PKD1L1: variants seen among roughly 807,000 people sequenced by gnomAD.
PKD1L1 encodes polycystin-1-like protein 1.
A neutral mutation model predicts 323.4 loss-of-function variants in PKD1L1; 236 were observed. The ratio of observed to expected loss-of-function variants is 0.73; its 90% CI spans 0.66 to 0.81. The LOEUF (loss-of-function observed/expected upper bound fraction) is 0.81, where lower values mean the gene tolerates loss of function less well. Ranked by LOEUF, PKD1L1 falls within the 40% of genes least tolerant of loss-of-function variation. The pLI, the probability that PKD1L1 is intolerant of heterozygous loss-of-function variation, is 0.00. For synonymous variants in PKD1L1, 1,344 were observed against 1,335.0 expected (o/e 1.01, Z -0.15); for missense variants, 3,320 against 3,508.0 (o/e 0.95, Z 1.35).
At chr7:47,917,937 G>C (rs1787462760) in intron 7 of PKD1L1, among the ~76,000 whole-genome samples, 1 of 151,922 alleles carries the variant, frequency 6.6e-6, no homozygotes, top group Non-Finnish European at 1.5e-5. Context: ...AATAACTAAA[G>C]TATACAGGCA....
At chr7:47,920,573 T>C (rs776453601) in intron 7 of PKD1L1, among the ~76,000 whole-genome samples, 3 of 152,022 alleles carry the variant, frequency 2.0e-5, no homozygotes, top group Non-Finnish European at 4.4e-5. Context: ...AAAAAGAGGC[T>C]GTACATCCAA....
At chr7:47,899,807 T>C (rs993715645) in intron 13 of PKD1L1, among the ~76,000 whole-genome samples, 18 of 151,866 alleles carry the variant, frequency 1.2e-4, no homozygotes, top group Admixed American at 1.1e-3. Context: ...ATACAAAAAA[T>C]TAGCCAGGTG....
chr7:47,936,222 G>A (rs542111603), intron 4 of PKD1L1, among the ~76,000 whole-genome samples: 1 of 152,268 alleles, frequency 6.6e-6, no homozygotes, highest in African/African-American at 2.4e-5. Flanking sequence ...GCACAGTTCA[G>A]TGGTGTTAAG....
chr7:47,801,887 T>C (rs895091441), intron 53 of PKD1L1, among the ~76,000 whole-genome samples: 2 of 152,204 alleles, frequency 1.3e-5, no homozygotes, highest in African/African-American at 4.8e-5. Flanking sequence ...TGGGCTTTTT[T>C]TTCCTTACAT....
intron 53 of PKD1L1, 152 bp from the exon 54 acceptor site, chr7:47,801,031 G>T: frequency 2.8e-6 from 2 of 706,104 alleles, no homozygotes; most frequent in South Asian, 3.6e-5. Context: ...GAACCCAAAA[G>T]GCGTATGTCA....
In PKD1L1 at chr7:47,855,895, A is replaced by G. The variant is rs1401805023; in HGVS notation, c.4591-630T>C. Among the ~76,000 whole-genome samples, 10 of 89,840 alleles carry G rather than the reference A, an allele frequency of 1.1e-4. 1 individual carries two copies. Among genetic ancestry groups the G allele is most frequent in the South Asian group, 5.3e-4 (2 of 3,760 alleles). 58.9% of individuals were successfully genotyped at this position (89,840 alleles called of 152,430 possible). ...CGTCTCAAAAAAAAAAAAAAAAAAA[A>G]AAAAAGAAAAGTATATGCAAGAGTG... On this transcript the variant is annotated intron_variant, in intron 28 of 56. Coordinates refer to ENST00000289672, the MANE Select transcript of PKD1L1 (RefSeq NM_138295.5).
chr7:47,898,568 G>A (rs565197186), intron 13 of PKD1L1, among the ~76,000 whole-genome samples: 1 of 152,118 alleles, frequency 6.6e-6, no homozygotes, highest in South Asian at 2.1e-4. Flanking sequence ...GCACCTATGT[G>A]TATATATAAA....
chr7:47,865,804 C>G (rs1202209607), intron 25 of PKD1L1, among the ~76,000 whole-genome samples: 1 of 150,110 alleles, frequency 6.7e-6, no homozygotes, highest in Non-Finnish European at 1.5e-5. Flanking sequence ...ACTGTGTTAG[C>G]CAGGATGGTC....
At chr7:47,901,687 G>A (rs796199295) in intron 13 of PKD1L1, among the ~76,000 whole-genome samples, 61 of 152,298 alleles carry the variant, frequency 4.0e-4, no homozygotes, top group African/African-American at 1.3e-3. Flanking sequence ...GGATTGCCCC[G>A]GGCACTTGGT....
At position 47,840,317 on chromosome 7, in the gene PKD1L1, A is replaced by G; in HGVS notation, c.5552+144T>C. On this transcript the variant is annotated intron_variant, in intron 35 of 56. Coordinates refer to ENST00000289672, the MANE Select transcript of PKD1L1 (RefSeq NM_138295.5). This position sits in a 1 kb window ranked among gnomAD's most constrained non-coding sequence, Gnocchi z 4.1. ...ACTCAGAATAATAAACTAAAAATAC[A>G]TCATAAAATTGTTTGTATATAAATC... is the stretch of plus-strand genomic sequence containing the variant. 1.7e-6 allele frequency: 1 copy of G among 594,480 alleles called. No individual in the cohort carries two copies. The highest frequency in any genetic ancestry group is 2.3e-5 in the South Asian group (1 of 42,682). 36.8% of individuals were successfully genotyped at this position (594,480 alleles called of 1,614,324 possible). A position where few individuals can be genotyped will look rare whatever the true frequency, so the allele number is the denominator to read the frequency against.
At chr7:47,846,721 A>G (rs917917036) in intron 32 of PKD1L1, among the ~76,000 whole-genome samples, 158 bp downstream of exon 32, 2 of 152,336 alleles carry the variant, frequency 1.3e-5, no homozygotes, top group South Asian at 2.1e-4. Context: ...CGAACTGGCT[A>G]TGAGAGAACT....
intron 8 of PKD1L1, among the ~76,000 whole-genome samples, chr7:47,914,382 T>C (rs2128752561): frequency 6.6e-6 from 1 of 151,608 alleles, no homozygotes; most frequent in South Asian, 2.1e-4. Context: ...CCAAGTCCAT[T>C]GTAGAGAAAC....
rs1226678349 is a variant in PKD1L1 at position 47,781,490 on chromosome 7, G to A, written c.8527-6324C>T. On this transcript the variant is annotated intron_variant, in intron 56 of 56. Transcript: ENST00000289672. The stretch of plus-strand genomic sequence containing the variant: ...GTGGCGTGATCTTGGCTCACTGCAA[G>A]CTCCGCCTCCTGGGTTCATGCCATT... 6.9e-5 allele frequency among the ~76,000 whole-genome samples: 10 copies of A among 145,592 alleles called. No individual in the cohort carries two copies. The East Asian group carries it at 2.1e-3, about 31-fold the overall frequency.
In PKD1L1 at chr7:47,946,742, T is replaced by G. The variant is rs967603153; in HGVS notation, c.44+1655A>C. Among the ~76,000 whole-genome samples the G allele has an allele frequency of 2.6e-5, 4 of 152,166 alleles. No homozygotes were observed. The highest frequency in any genetic ancestry group is 9.7e-5 in the African/African-American group (4 of 41,438). On this transcript the variant is annotated intron_variant, in intron 1 of 56. Coordinates refer to ENST00000289672, the MANE Select transcript of PKD1L1 (RefSeq NM_138295.5). The surrounding 1 kb of genome is among the most constrained non-coding windows in gnomAD (Gnocchi z 4.1). ...TACAGGAGAGTCAAGAAACCTCTTC[T>G]GTTTCTATGAACAAGATCAGTCACT...
intron 24 of PKD1L1, among the ~76,000 whole-genome samples, chr7:47,872,226 A>G (rs1583636324): frequency 2.0e-5 from 3 of 152,274 alleles, no homozygotes; most frequent in Middle Eastern, 3.4e-3. Context: ...AAGGCTGGAG[A>G]GGCTGGCCGG....
intron 31 of PKD1L1, among the ~76,000 whole-genome samples, chr7:47,848,950 C>A (rs775585520): frequency 7.2e-5 from 11 of 152,172 alleles, no homozygotes; most frequent in Non-Finnish European, 1.3e-4. Flanking sequence ...TCAAACTATA[C>A]AACGAGGCTA....
At chr7:47,916,861 C>G (rs1379365842) in intron 7 of PKD1L1, among the ~76,000 whole-genome samples, 1 of 152,144 alleles carries the variant, frequency 6.6e-6, no homozygotes, top group Non-Finnish European at 1.5e-5. Flanking sequence ...TCTGACAGAG[C>G]CTACCCAAAT....
rs566520119 is a variant in PKD1L1 at position 47,817,230 on chromosome 7, A to AAAAC, written c.6966-1777_6966-1774dup. ...TCAGTGACAGAGTGAGACTTCATCTAAAACAAACAAACAAACAAACAAAAA... is the reference window on the plus strand; with the variant it reads ...TCAGTGACAGAGTGAGACTTCATCTAAAACAAACAAACAAACAAACAAACAAAAA... On this transcript the variant is annotated intron_variant, in intron 46 of 56. Transcript: ENST00000289672. 1.4e-3 allele frequency among the ~76,000 whole-genome samples: 214 copies of AAAAC among 152,144 alleles called. 1 individual carries two copies. Among genetic ancestry groups the AAAAC allele is most frequent in the African/African-American group, 4.6e-3 (189 of 41,494 alleles).
At chr7:47,940,786 C>T (rs1263723551) in intron 2 of PKD1L1, among the ~76,000 whole-genome samples, 1 of 152,212 alleles carries the variant, frequency 6.6e-6, no homozygotes, top group Admixed American at 6.5e-5. Context: ...CTGATGGTAG[C>T]ACGGACCTGG....
Sources: allele counts gnomAD v4.1 joint callset (sites outside exome capture counted in the v4.1 genomes callset), GRCh38; gene constraint gnomAD v4.1.1; non-coding constraint Gnocchi (gnomAD v3.1); transcripts MANE v1.5; gene names NCBI Gene and HGNC (gene_info 2026-07-23, HGNC 2026-07-21).